Variants in EPHA3 observed in about 807,000 individuals in gnomAD.
The protein encoded by EPHA3 is EPH receptor A3.
In EPHA3, 42 loss-of-function variants were observed where a neutral mutation model predicts 107.1. That is an observed-to-expected ratio of 0.39 (90% confidence interval 0.31 to 0.51). The LOEUF (loss-of-function observed/expected upper bound fraction) is 0.51, where lower values mean the gene tolerates loss of function less well. Ranked by LOEUF, EPHA3 falls within the 20% of genes least tolerant of loss-of-function variation. The pLI is 0.78. For synonymous variants in EPHA3, 461 were observed against 424.8 expected, an observed-to-expected ratio of 1.09 and a Z score of -1.05; for missense variants, 1,183 against 1,211.2, an observed-to-expected ratio of 0.98 and a Z score of 0.35.
In EPHA3 at chr3:89,395,824, CCT is replaced by C. The variant is rs1337335705; in HGVS notation, c.1307-8_1307-7del. ...GCTTCCTTCCACCTTCCCCTCCCAT[CCT>C]CTCTTTACAGCTCCATCACCTGTCC... On this transcript the variant is annotated splice_polypyrimidine_tract_variant and intron_variant, in intron 5 of 16. Coordinates refer to ENST00000336596, the MANE Select transcript of EPHA3 (RefSeq NM_005233.6). 1.9e-6 allele frequency: 3 copies of C among 1,612,828 alleles called. No homozygotes were observed. The highest frequency in any genetic ancestry group is 2.7e-5 in the African/African-American group (2 of 74,928).
chr3:89,418,803 A>T (rs1709299692), intron 10 of EPHA3, among the ~76,000 whole-genome samples: 1 of 151,480 alleles, frequency 6.6e-6, no homozygotes. Context: ...AATTGTTAAA[A>T]TATCTGAAAT....
At chr3:89,189,477 C>G (rs1705650719) in intron 2 of EPHA3, among the ~76,000 whole-genome samples, 1 of 152,094 alleles carries the variant, frequency 6.6e-6, no homozygotes, top group African/African-American at 2.4e-5. Context: ...CCTGTCATCC[C>G]ATCTACTTGG....
intron 2 of EPHA3, among the ~76,000 whole-genome samples, chr3:89,207,637 TTAATGTC>T (rs1401603810): frequency 6.6e-6 from 1 of 152,154 alleles, no homozygotes; most frequent in Non-Finnish European, 1.5e-5. Context: ...TTAAAAGTGT[TTAATGTC>T]TATTGTTCTT....
intron 5 of EPHA3, among the ~76,000 whole-genome samples, chr3:89,390,035 T>C (rs184375662): frequency 0.016 from 2,394 of 152,164 alleles, 63 homozygotes; most frequent in African/African-American, 0.054. Context: ...TCTGTCGCCC[T>C]GACTGAAGTG....
intron 13 of EPHA3, among the ~76,000 whole-genome samples, chr3:89,431,923 A>C (rs1017808591): frequency 1.3e-5 from 2 of 152,114 alleles, no homozygotes; most frequent in African/African-American, 4.8e-5. Flanking sequence ...TTTAAATACA[A>C]TTATTCATAA....
At chr3:89,225,022 A>C (rs1704470450) in intron 3 of EPHA3, among the ~76,000 whole-genome samples, 1 of 152,168 alleles carries the variant, frequency 6.6e-6, no homozygotes, top group African/African-American at 2.4e-5. Context: ...TTCAGTTAAA[A>C]AGAAATGGAT....
chr3:89,147,380 G>C (rs1253672169), intron 2 of EPHA3, among the ~76,000 whole-genome samples: 2 of 151,680 alleles, frequency 1.3e-5, no homozygotes, highest in African/African-American at 4.8e-5. Context: ...CTAAATGTAA[G>C]GTTTCTAAGA....
At chr3:89,269,748 T>G (rs1199898549) in intron 3 of EPHA3, among the ~76,000 whole-genome samples, 1 of 65,536 alleles carries the variant, frequency 1.5e-5, no homozygotes, top group Non-Finnish European at 3.1e-5. Context: ...ATGCTATCCC[T>G]CCCCCCTCCC....
chr3:89,333,712 A>G (rs531612318), intron 3 of EPHA3, among the ~76,000 whole-genome samples: 4 of 152,160 alleles, frequency 2.6e-5, no homozygotes, highest in African/African-American at 9.6e-5. Context: ...ATCTTTACTA[A>G]AAATACAAAA....
At chr3:89,334,198 T>G (rs1282793936) in intron 3 of EPHA3, among the ~76,000 whole-genome samples, 1 of 152,178 alleles carries the variant, frequency 6.6e-6, no homozygotes, top group East Asian at 1.9e-4. Flanking sequence ...TGGCAGTCAA[T>G]GTATATCATT....
chr3:89,214,417 T>A (rs545931277), intron 3 of EPHA3, among the ~76,000 whole-genome samples: 3 of 152,104 alleles, frequency 2.0e-5, no homozygotes, highest in Admixed American at 6.6e-5. Context: ...CTTGTTTCAA[T>A]ACATTTTAGA....
At chr3:89,227,907 A>C (rs1704536833) in intron 3 of EPHA3, among the ~76,000 whole-genome samples, 1 of 152,120 alleles carries the variant, frequency 6.6e-6, no homozygotes, top group East Asian at 1.9e-4. Context: ...GGCAAATTTC[A>C]CACTTACTTT....
intron 15 of EPHA3, among the ~76,000 whole-genome samples, chr3:89,471,312 A>T (rs60559592): frequency 0.034 from 5,153 of 152,174 alleles, 290 homozygotes; most frequent in African/African-American, 0.12. Flanking sequence ...AGGTGGTTAT[A>T]GATAGATGTT....
At chr3:89,376,331 G>A (rs1708402416) in intron 5 of EPHA3, among the ~76,000 whole-genome samples, 1 of 151,284 alleles carries the variant, frequency 6.6e-6, no homozygotes, top group South Asian at 2.1e-4. Flanking sequence ...TATGTAGGAT[G>A]TGTGTATATA....
intron 2 of EPHA3, among the ~76,000 whole-genome samples, chr3:89,147,235 C>T (rs377040017): frequency 6.6e-6 from 1 of 151,508 alleles, no homozygotes; most frequent in East Asian, 2.0e-4. Flanking sequence ...CTAATGCATG[C>T]GGGGCTTAAA....
In EPHA3 at chr3:89,368,433, G is replaced by T. The variant is rs141223855; in HGVS notation, c.1306+26343G>T. Among the ~76,000 whole-genome samples the T allele has an allele frequency of 4.0e-5, 6 of 150,394 alleles. 1 individual carries two copies. The highest frequency in any genetic ancestry group is 1.3e-4 in the Admixed American group (2 of 14,956). The stretch of plus-strand genomic sequence containing the variant: ...TTTGCATAATTATGGAGGCCAGAAA[G>T]TTCCACAATCTGTTGCCTGGGAGCT... On this transcript the variant is annotated intron_variant, in intron 5 of 16. Transcript: ENST00000336596.
chr3:89,236,732 TG>T (rs768628750), intron 3 of EPHA3, among the ~76,000 whole-genome samples: 8 of 151,552 alleles, frequency 5.3e-5, no homozygotes, highest in Non-Finnish European at 8.8e-5. Context: ...AAAGTATAAT[TG>T]AAAAAAAAGA....
chr3:89,383,854 T>G (rs1376277827), intron 5 of EPHA3, among the ~76,000 whole-genome samples: 1 of 151,812 alleles, frequency 6.6e-6, no homozygotes, highest in Non-Finnish European at 1.5e-5. Flanking sequence ...TTCACTATGT[T>G]AGCCAGGATT....
chr3:89,448,222 C>T (rs148428315), intron 13 of EPHA3, among the ~76,000 whole-genome samples: 1,813 of 152,202 alleles, frequency 0.012, 17 homozygotes, highest in South Asian at 0.039. Context: ...ACACTGGCTA[C>T]ACACTCAACC....
Sources: gnomAD v4.1 joint callset for allele counts (sites outside exome capture counted in the v4.1 genomes callset) on GRCh38, gnomAD v4.1.1 for gene constraint, MANE v1.5 for transcripts, NCBI Gene and HGNC (gene_info 2026-07-23, HGNC 2026-07-21) for gene names.